ZNF732: variants seen among roughly 807,000 people sequenced by gnomAD.
ZNF732 encodes the protein zinc finger protein 732.
Under a neutral mutation model 11.5 loss-of-function variants are expected in ZNF732, and 12 were observed. That is an observed-to-expected ratio of 1.05 (90% CI 0.67 to 1.70). The LOEUF is 1.70. Among genes scored for constraint, ZNF732 ranks in the 40% most tolerant of loss-of-function variants. The probability of loss-of-function intolerance (pLI) is 0.00; values close to 1 mark genes in which losing one functional copy is unlikely to be tolerated. For missense variants in ZNF732, 702 were observed against 676.9 expected (o/e 1.04, Z -0.41); for synonymous variants, 231 against 236.5 (o/e 0.98, Z 0.21).
chr4:275,869 TAAA>T (rs1560157242), intron 3 of ZNF732, among the ~76,000 whole-genome samples: 1 of 151,678 alleles, frequency 6.6e-6, no homozygotes, highest in African/African-American at 2.4e-5. Context: ...GACTTTAAAA[TAAA>T]AAACAGAATT....
Position 270,796 on chromosome 4 carries a change from T to C in ZNF732, c.*303A>G, listed in dbSNP as rs145578694. The C allele has an allele frequency of 1.0e-4, 59 of 565,954 alleles. 1 individual carries two copies. Among genetic ancestry groups the C allele is most frequent in the South Asian group, 8.7e-4 (50 of 57,590 alleles). 35.1% of individuals were successfully genotyped at this position (565,954 alleles called of 1,614,324 possible). On this transcript the variant is annotated 3_prime_UTR_variant, in exon 4 of 4. Coordinates refer to ENST00000419098, the MANE Select transcript of ZNF732 (RefSeq NM_001137608.3). ...TTCATCTCCCATATGAATTTTCTTA[T>C]GTTCACTCAGGGTTGTGGACCATCT... is the stretch of plus-strand genomic sequence containing the variant.
rs150222320 is a variant in ZNF732 at position 291,975 on chromosome 4, T to C, written c.226+3463A>G. On this transcript the variant is annotated intron_variant, in intron 3 of 3. Transcript: ENST00000419098. Reference sequence around the variant, plus strand: ...AACACACAATGCAGAAATTACACTCTTGTCAATACGTGGTGCCAGAAAAAC... The same window carrying C: ...AACACACAATGCAGAAATTACACTCCTGTCAATACGTGGTGCCAGAAAAAC... Among the ~76,000 whole-genome samples, 115 of 152,312 alleles carry C rather than the reference T, an allele frequency of 7.6e-4. 1 individual carries two copies. Among genetic ancestry groups the C allele is most frequent in the African/African-American group, 2.5e-3 (105 of 41,558 alleles).
chr4:299,476 C>CAT (rs1720056252), intron 1 of ZNF732, among the ~76,000 whole-genome samples: 1 of 87,862 alleles, frequency 1.1e-5, no homozygotes, highest in East Asian at 3.3e-4. Flanking sequence ...TATATATACA[C>CAT]ATATATACAC....
rs1205554545 is a variant in ZNF732 at position 271,624 on chromosome 4, A to C, written c.1233T>G (p.Ile411Met). 2 of 1,611,632 alleles carry C rather than the reference A, an allele frequency of 1.2e-6. No individual in the cohort carries two copies. Among genetic ancestry groups the C allele is most frequent in the African/African-American group, 2.7e-5 (2 of 74,844 alleles). Reference sequence around the variant, plus strand: ...ATTTGTGGGGCCTCTCTCCAGTATGAATTCTCTTATGTTCATTAAGGGTTG... The same window carrying C: ...ATTTGTGGGGCCTCTCTCCAGTATGCATTCTCTTATGTTCATTAAGGGTTG... ...RFTTLNEHKR[I>M]HTGERPHKCE... Residue 411 changes from isoleucine to methionine, a missense_variant, in exon 4 of 4, where the codon ATT (isoleucine) becomes ATG (methionine). Physicochemically the swap from Ile to Met is conservative, Grantham distance 10 (BLOSUM62 1). Coordinates refer to ENST00000419098, the MANE Select transcript of ZNF732 (RefSeq NM_001137608.3).
At chr4:297,842 C>A (rs1443513556) in intron 1 of ZNF732, among the ~76,000 whole-genome samples, 1 of 152,110 alleles carries the variant, frequency 6.6e-6, no homozygotes, top group Non-Finnish European at 1.5e-5. Context: ...CGAGAGATTT[C>A]AGTGTGGGGT....
rs1278788811 is a variant in ZNF732 at position 270,852 on chromosome 4, G to T, written c.*247C>A. On this transcript the variant is annotated 3_prime_UTR_variant, in exon 4 of 4. Coordinates refer to ENST00000419098, the MANE Select transcript of ZNF732 (RefSeq NM_001137608.3). ...CTTTGCCACATTCTTCACATTTGTA[G>T]GGTTGCTCTCCAGCATCAATTTTCT... is the stretch of plus-strand genomic sequence containing the variant. The T allele has an allele frequency of 4.2e-4, 271 of 652,392 alleles. No homozygotes were observed. In the East Asian group the frequency reaches 8.3e-3, roughly 20 times the overall value. The allele number at this position is 652,392 out of a possible 1,614,324, so 40.4% of individuals were successfully genotyped here.
intron 2 of ZNF732, 71 bp from the exon 3 acceptor site, chr4:295,604 T>A (rs1553842153): frequency 8.0e-7 from 1 of 1,256,974 alleles, no homozygotes; most frequent in African/African-American, 1.5e-5. Context: ...CTATACTAAG[T>A]AGAAAAGAGA....
Position 271,575 on chromosome 4 carries a change from C to A in ZNF732, c.1282G>T (p.Gly428Ter), listed in dbSNP as rs369273736. 3.7e-6 allele frequency: 6 copies of A among 1,605,214 alleles called. No homozygotes were observed. The highest frequency in any genetic ancestry group is 1.7e-4 in the Middle Eastern group (1 of 5,888). ...TGTTTATTCAGGTCTGTGGACCATC[C>A]AAAGGCTTTGCCACACTCTTCACAT... is the stretch of plus-strand genomic sequence containing the variant. ...HKCEECGKAFGWSTDLNKHKI... is the reference protein window; with the variant it reads ...HKCEECGKAF Residue 428 changes from glycine to a stop codon, truncating the protein, a stop_gained, in exon 4 of 4, where the codon GGA (glycine) becomes TGA (stop). Coordinates refer to ENST00000419098, the MANE Select transcript of ZNF732 (RefSeq NM_001137608.3). LOFTEE classifies it low-confidence loss of function (END_TRUNC).
Position 271,115 on chromosome 4 carries a change from G to T in ZNF732, c.1742C>A (p.Thr581Asn). The T allele has an allele frequency of 6.6e-7, 1 of 1,514,842 alleles. No individual in the cohort carries two copies. The allele number at this position is 1,514,842 out of a possible 1,614,324, so 93.8% of individuals were successfully genotyped here. A position where few individuals can be genotyped will look rare whatever the true frequency, so the allele number is the denominator to read the frequency against. Reference protein sequence around the residue: ...SYLNQHNKIYTGEKL With the variant: ...SYLNQHNKIYNGEKL ...TTCATATTTCTAGAGTTTCTCTCCA[G>T]TATAAATTTTATTATGTTGATTAAG... is the stretch of plus-strand genomic sequence containing the variant. The change falls in exon 4 of 4, where the codon ACT becomes AAT. Residue 581 changes from threonine (T) to asparagine (N), a missense_variant. Transcript: ENST00000419098.
chr4:305,028 C>A (rs1286935081), intron 1 of ZNF732, among the ~76,000 whole-genome samples: 18 of 152,224 alleles, frequency 1.2e-4, no homozygotes. Flanking sequence ...GCACCTCGCA[C>A]GCCACGCAGG....
rs1581529521 is a variant in ZNF732, at chr4:271,596, C to G, written c.1261G>C (p.Glu421Gln). 1.1e-5 allele frequency: 17 copies of G among 1,613,186 alleles called. No individual in the cohort carries two copies. The East Asian group carries it at 3.8e-4, about 36-fold the overall frequency. Residue 421 changes from glutamate (E) to glutamine (Q), a missense_variant, in exon 4 of 4, where the codon GAA (glutamate) becomes CAA (glutamine). By Grantham distance (29) the Glu-to-Gln change is conservative. Transcript: ENST00000419098. ...CATCCAAAGGCTTTGCCACACTCTT[C>G]ACATTTGTGGGGCCTCTCTCCAGTA... ...IHTGERPHKCEECGKAFGWST... is the reference protein window; with the variant it reads ...IHTGERPHKCQECGKAFGWST...
chr4:291,390 AAT>A (rs1345030161), intron 3 of ZNF732, among the ~76,000 whole-genome samples: 48 of 152,206 alleles, frequency 3.2e-4, no homozygotes, highest in African/African-American at 1.1e-3. Context: ...CCAACATACA[AAT>A]ATGTTTCATT....
rs572151901 is a variant in ZNF732, at chr4:305,321, C to T, written c.-11G>A. 2.5e-6 allele frequency: 4 copies of T among 1,608,006 alleles called. No homozygotes were observed. Among genetic ancestry groups the T allele is most frequent in the South Asian group, 2.2e-5 (2 of 91,080 alleles). ...CCCCACACTCACCATTTCCCCACTT[C>T]AGGGGTGTAGCGGAGTCTCAGCTAC... On this transcript the variant is annotated 5_prime_UTR_variant, in exon 1 of 4. Coordinates refer to ENST00000419098, the MANE Select transcript of ZNF732 (RefSeq NM_001137608.3).
rs1719412371 is a variant in ZNF732 at position 272,576 on chromosome 4, G to GA, written c.280dup (p.Ser94PhefsTer11). 3.2e-6 allele frequency: 5 copies of GA among 1,587,230 alleles called. No individual in the cohort carries two copies. The highest frequency in any genetic ancestry group is 1.2e-5 in the South Asian group (1 of 86,050). On this transcript the variant is annotated frameshift_variant, in exon 4 of 4. Transcript: ENST00000419098. LOFTEE classifies it low-confidence loss of function (END_TRUNC). ...TCTTCTTAATATAAGTTTGTGGAAC[G>GA]AATCTTCTATCCCCTGCACTGGCAA...
intron 1 of ZNF732, among the ~76,000 whole-genome samples, chr4:296,358 G>T (rs189435661): frequency 6.6e-6 from 1 of 152,082 alleles, no homozygotes; most frequent in African/African-American, 2.4e-5. Flanking sequence ...TAAAAATAAC[G>T]GGCTACACTG....
At chr4:298,383 G>A (rs1246069316) in intron 1 of ZNF732, among the ~76,000 whole-genome samples, 4 of 151,810 alleles carry the variant, frequency 2.6e-5, no homozygotes, top group African/African-American at 9.7e-5. Context: ...ATTAGCTTAT[G>A]GATTAGTTTG....
intron 1 of ZNF732, among the ~76,000 whole-genome samples, chr4:304,258 G>A (rs1296923175): frequency 6.6e-6 from 1 of 151,980 alleles, no homozygotes; most frequent in East Asian, 1.9e-4. Flanking sequence ...GCAGGGTGCA[G>A]GGAAGGGATG....
At chr4:289,349 G>T (rs1553841054) in intron 3 of ZNF732, among the ~76,000 whole-genome samples, 1 of 152,198 alleles carries the variant, frequency 6.6e-6, no homozygotes. Flanking sequence ...CTTTGAAACT[G>T]GTAAGGTTAA....
Position 271,880 on chromosome 4 carries a change from C to T in ZNF732, c.977G>A (p.Arg326Lys). Residue 326 changes from arginine to lysine, a missense_variant, in exon 4 of 4, where the codon AGA (arginine) becomes AAA (lysine). Around this residue, in one of 3 missense-constraint regions of ZNF732, gnomAD observed 596 missense variants for 557.9 expected, o/e 1.07. Coordinates refer to ENST00000419098, the MANE Select transcript of ZNF732 (RefSeq NM_001137608.3). ...NRSTTLTKHN[R>K]IHTGEKPYTC... is the part of the protein sequence containing the mutation. ...GTAGGGTTTCTCTCCAGTATGAATT[C>T]TGTTATGTTTAGTAAGGGTTGTGGA... The T allele has an allele frequency of 6.2e-7, 1 of 1,611,914 alleles. No individual in the cohort carries two copies. The highest frequency in any genetic ancestry group is 1.3e-5 in the African/African-American group (1 of 74,484).
Sources: allele counts gnomAD v4.1 joint callset (sites outside exome capture counted in the v4.1 genomes callset), GRCh38; gene constraint gnomAD v4.1.1; regional missense constraint gnomAD v4.1.1; transcripts MANE v1.5; gene names NCBI Gene and HGNC (gene_info 2026-07-23, HGNC 2026-07-21).